SNX29: variants seen among roughly 807,000 people sequenced by gnomAD.
SNX29 encodes the protein sorting nexin 29.
In SNX29, 78 loss-of-function variants were observed where a neutral mutation model predicts 102.1. The ratio of observed to expected loss-of-function variants is 0.76; its 90% CI spans 0.64 to 0.92. The LOEUF (loss-of-function observed/expected upper bound fraction) is 0.92. Among genes scored for constraint, SNX29 ranks in the 40% least tolerant of loss-of-function variants. SNX29 has a pLI of 0.00. For missense variants in SNX29, 1,280 were observed against 1,061.7 expected, an observed-to-expected ratio of 1.21 and a Z score of -2.86; for synonymous variants, 580 against 414.5, an observed-to-expected ratio of 1.40 and a Z score of -4.85.
At chr16:12,019,637 ATT>A (rs879261297) in intron 3 of SNX29, among the ~76,000 whole-genome samples, 5 of 136,854 alleles carry the variant, frequency 3.7e-5, no homozygotes, top group Non-Finnish European at 1.6e-5. Flanking sequence ...TAGATATATA[ATT>A]TTTTTTTTTT....
At chr16:12,215,428 G>C (rs1808860038) in intron 14 of SNX29, among the ~76,000 whole-genome samples, 1 of 152,158 alleles carries the variant, frequency 6.6e-6, no homozygotes, top group African/African-American at 2.4e-5. Context: ...TTTGCCCCAG[G>C]TGCACAGCTG....
At chr16:12,256,537 A>G (rs1012985254) in intron 14 of SNX29, among the ~76,000 whole-genome samples, 1 of 152,172 alleles carries the variant, frequency 6.6e-6, no homozygotes, top group African/African-American at 2.4e-5. Flanking sequence ...CATGTAGGCC[A>G]GGCTGGTCTT....
intron 13 of SNX29, 127 bp downstream of exon 13, chr16:12,129,885 A>ACT: frequency 2.5e-6 from 3 of 1,177,756 alleles, no homozygotes; most frequent in Admixed American, 6.2e-5. Context: ...CGGGTGGATC[A>ACT]TAAGGTCAGG....
chr16:12,405,259 C>A (rs1409606547), intron 18 of SNX29, among the ~76,000 whole-genome samples: 1 of 152,076 alleles, frequency 6.6e-6, no homozygotes, highest in South Asian at 2.1e-4. Flanking sequence ...TTGACTTTTC[C>A]CCCTGTTTAC....
chr16:12,261,118 C>T (rs2078739325), intron 14 of SNX29, among the ~76,000 whole-genome samples: 1 of 148,802 alleles, frequency 6.7e-6, no homozygotes, highest in African/African-American at 2.5e-5. Context: ...GCATGAGTCC[C>T]CGGCTGGAGT....
chr16:12,541,508 C>T (rs976074863), intron 20 of SNX29, among the ~76,000 whole-genome samples: 1 of 152,094 alleles, frequency 6.6e-6, no homozygotes, highest in Non-Finnish European at 1.5e-5. Context: ...ATCTGAGTCC[C>T]AAGTCATAAC....
At chr16:12,186,958 G>A (rs144378902) in intron 13 of SNX29, among the ~76,000 whole-genome samples, 7 of 152,338 alleles carry the variant, frequency 4.6e-5, no homozygotes, top group Admixed American at 1.3e-4. Flanking sequence ...CTCAGTGGCC[G>A]GGGCTGACTG....
chr16:12,105,898 A>G (rs1425619442), intron 11 of SNX29, among the ~76,000 whole-genome samples: 2 of 152,108 alleles, frequency 1.3e-5, no homozygotes, highest in Non-Finnish European at 2.9e-5. Flanking sequence ...GACTGCGACC[A>G]TATTTACCAG....
intron 20 of SNX29, among the ~76,000 whole-genome samples, chr16:12,561,601 G>A (rs940802089): frequency 2.0e-5 from 3 of 152,184 alleles, no homozygotes; most frequent in South Asian, 2.1e-4. Flanking sequence ...GCTGGTGACA[G>A]GACACAACGC....
At chr16:12,130,149 A>T (rs1338370794) in intron 13 of SNX29, among the ~76,000 whole-genome samples, 2 of 149,372 alleles carry the variant, frequency 1.3e-5, no homozygotes, top group African/African-American at 5.0e-5. Flanking sequence ...ACAAAAAAAA[A>T]CCTGAGCACA....
chr16:12,564,751 G>A (rs183113180), intron 20 of SNX29, among the ~76,000 whole-genome samples: 3 of 152,010 alleles, frequency 2.0e-5, no homozygotes, highest in Admixed American at 6.6e-5. Flanking sequence ...ACAACTGTCT[G>A]CTTCTTGGTG....
At chr16:12,270,898 C>G (rs932678468) in intron 14 of SNX29, among the ~76,000 whole-genome samples, 1 of 152,032 alleles carries the variant, frequency 6.6e-6, no homozygotes, top group Admixed American at 6.6e-5. Context: ...AAAAAATTAG[C>G]TGGGCGTGGT....
chr16:12,294,838 G>A (rs527413136), intron 15 of SNX29, among the ~76,000 whole-genome samples: 2 of 151,952 alleles, frequency 1.3e-5, no homozygotes, highest in African/African-American at 4.8e-5. Context: ...GTCCCTTCCT[G>A]TATTAGCCTG....
intron 19 of SNX29, among the ~76,000 whole-genome samples, chr16:12,521,030 T>G (rs2090078723): frequency 6.6e-6 from 1 of 152,092 alleles, no homozygotes; most frequent in African/African-American, 2.4e-5. Flanking sequence ...ATACAAAAAT[T>G]AGCCAGACAT....
chr16:12,170,777 G>GTT (rs2076131228), intron 13 of SNX29, among the ~76,000 whole-genome samples: 1 of 150,308 alleles, frequency 6.7e-6, no homozygotes, highest in South Asian at 2.1e-4. Context: ...GTGTGAGTGT[G>GTT]TGTGTGAGAG....
intron 16 of SNX29, among the ~76,000 whole-genome samples, chr16:12,381,322 C>T (rs532040050): frequency 9.1e-6 from 1 of 109,840 alleles, no homozygotes; most frequent in Non-Finnish European, 1.9e-5. Context: ...CCCACCCACC[C>T]ATCGTTCATC....
chr16:12,560,877 A>G (rs902599299), intron 20 of SNX29: 1 of 187,802 alleles, frequency 5.3e-6, no homozygotes, highest in Non-Finnish European at 1.1e-5. Context: ...CCTTTAGTTC[A>G]AGATTTGACA....
Position 12,411,951 on chromosome 16 carries a change from G to C in SNX29, c.2037+8422G>C, listed in dbSNP as rs549969535. Among the ~76,000 whole-genome samples the C allele has an allele frequency of 5.1e-4, 78 of 152,246 alleles. No individual in the cohort carries two copies. In the Middle Eastern group the frequency reaches 0.017, roughly 33 times the overall value. ...CCCCTTGTTGAATCAAATGTCTCTG[G>C]GCATGTCCCCGTGTTCAAAAAAACT... On this transcript the variant is annotated intron_variant, in intron 18 of 20. Coordinates refer to ENST00000566228, the MANE Select transcript of SNX29 (RefSeq NM_032167.5).
intron 20 of SNX29, among the ~76,000 whole-genome samples, chr16:12,552,362 A>G (rs990673342): frequency 1.3e-5 from 2 of 152,138 alleles, no homozygotes; most frequent in African/African-American, 4.8e-5. Context: ...ATAAGCCAAT[A>G]CACGTGTAAG....
Sources: gnomAD v4.1 joint callset for allele counts (sites outside exome capture counted in the v4.1 genomes callset) on GRCh38, gnomAD v4.1.1 for gene constraint, MANE v1.5 for transcripts, NCBI Gene and HGNC (gene_info 2026-07-23, HGNC 2026-07-21) for gene names.